WDFY1: variants seen among roughly 807,000 people sequenced by gnomAD.
WDFY1 encodes the protein WD repeat and FYVE domain containing 1, also known as WD repeat and FYVE domain-containing protein 1.
A neutral mutation model predicts 56.4 loss-of-function variants in WDFY1; 32 were observed. The observed-to-expected ratio is 0.57, with a 90% CI of 0.43 to 0.76. The LOEUF is 0.76. Among genes scored for constraint, WDFY1 ranks in the 30% least tolerant of loss-of-function variants. The probability of loss-of-function intolerance (pLI) is 0.00; values close to 1 mark genes in which losing one functional copy is unlikely to be tolerated. For synonymous variants in WDFY1, 192 were observed against 197.3 expected, an observed-to-expected ratio of 0.97 and a Z score of 0.23; for missense variants, 480 against 545.7, an observed-to-expected ratio of 0.88 and a Z score of 1.20.
Position 223,924,449 on chromosome 2 carries a change from T to C in WDFY1, c.138-6439A>G, listed in dbSNP as rs544452435. 2.6e-5 allele frequency among the ~76,000 whole-genome samples: 4 copies of C among 152,334 alleles called. No homozygotes were observed. The South Asian group carries it at 8.3e-4, about 32-fold the overall frequency. ...CACAAGTTCAGCTCACTGTAACCTCTGCCTCCTGGGTTCAAGCGATTCTCA... is the reference window on the plus strand; with the variant it reads ...CACAAGTTCAGCTCACTGTAACCTCCGCCTCCTGGGTTCAAGCGATTCTCA... On this transcript the variant is annotated intron_variant, in intron 1 of 11. Coordinates refer to ENST00000233055, the MANE Select transcript of WDFY1 (RefSeq NM_020830.5).
chr2:223,895,930 G>A (rs1297615179), intron 6 of WDFY1, among the ~76,000 whole-genome samples: 2 of 151,876 alleles, frequency 1.3e-5, no homozygotes, highest in African/African-American at 2.4e-5. Flanking sequence ...GGCCAAGGAG[G>A]GCGAATCACT....
chr2:223,933,989 AC>A (rs1694125594), intron 1 of WDFY1, among the ~76,000 whole-genome samples: 1 of 137,108 alleles, frequency 7.3e-6, no homozygotes, highest in African/African-American at 2.7e-5. Context: ...AAAGTCTCGA[AC>A]CCTATCCATG....
intron 1 of WDFY1, among the ~76,000 whole-genome samples, chr2:223,927,637 G>A (rs1694006627): frequency 6.6e-6 from 1 of 152,152 alleles, no homozygotes. Flanking sequence ...CAATAAGGCT[G>A]TTTTGCTTTC....
At chr2:223,927,927 G>GGGGGAAAGGAGGGAGGC (rs1347348685) in intron 1 of WDFY1, among the ~76,000 whole-genome samples, 5 of 152,122 alleles carry the variant, frequency 3.3e-5, no homozygotes, top group Admixed American at 1.3e-4. Context: ...TGGGGGGAAA[G>GGGGGAAAGGAGGGAGGC]GGGGAAAGGA....
intron 1 of WDFY1, among the ~76,000 whole-genome samples, chr2:223,942,762 C>G (rs1313463269): frequency 1.4e-5 from 2 of 139,292 alleles, no homozygotes; most frequent in Non-Finnish European, 3.1e-5. Context: ...GTCTCGATCT[C>G]CTGACCTCAT....
intron 1 of WDFY1, among the ~76,000 whole-genome samples, chr2:223,928,889 G>A (rs1219209310): frequency 3.3e-5 from 5 of 152,064 alleles, no homozygotes; most frequent in Admixed American, 3.3e-4. Context: ...CGTGTCTGCA[G>A]ATGTTATTGC....
At chr2:223,896,155 CAAAAAAAAAAAAA>C (rs71058956) in intron 6 of WDFY1, among the ~76,000 whole-genome samples, 9 of 39,828 alleles carry the variant, frequency 2.3e-4, no homozygotes, top group South Asian at 1.8e-3. Context: ...GACTCTGTCT[CAAAAAAAAAAAAA>C]AAAAAAAAAA....
intron 1 of WDFY1, among the ~76,000 whole-genome samples, chr2:223,922,526 C>T (rs111275603): frequency 0.012 from 1,873 of 152,344 alleles, 41 homozygotes; most frequent in African/African-American, 0.04. Flanking sequence ...AGCAGCACTT[C>T]ACACTCACAG....
intron 1 of WDFY1, among the ~76,000 whole-genome samples, chr2:223,928,006 A>G (rs1212385476): frequency 7.2e-5 from 11 of 152,172 alleles, no homozygotes; most frequent in Non-Finnish European, 1.6e-4. Context: ...CCGTTGATGG[A>G]GTATTCAGAT....
intron 1 of WDFY1, among the ~76,000 whole-genome samples, chr2:223,941,228 A>ATTAC (rs1008434549): frequency 1.1e-4 from 17 of 151,868 alleles, no homozygotes; most frequent in African/African-American, 4.1e-4. Flanking sequence ...AAGTGCTGGG[A>ATTAC]TTACAGTCGT....
chr2:223,879,568 G>A (rs752662967), intron 11 of WDFY1, among the ~76,000 whole-genome samples: 29 of 151,970 alleles, frequency 1.9e-4, no homozygotes, highest in Admixed American at 2.6e-4. Context: ...GCTGAGGTGG[G>A]AAGATTGCTT....
chr2:223,884,709 T>C lies in WDFY1; in HGVS notation c.872A>G (p.Glu291Gly). ...WLESDSCQKC[E>G]QPFFWNIKQM... ...CTTTATGTTCCAGAAAAATGGCTGC[T>C]CACATTTCTGACAAGAATCACTTTC... The change falls in exon 9 of 12, where the codon GAG becomes GGG. Residue 291 changes from glutamate to glycine, a missense_variant. Physicochemically the swap from Glu to Gly is moderately conservative, Grantham distance 98. Coordinates refer to ENST00000233055, the MANE Select transcript of WDFY1 (RefSeq NM_020830.5). 1 of 1,614,144 alleles carries C rather than the reference T, an allele frequency of 6.2e-7. No homozygotes were observed. Among genetic ancestry groups the C allele is most frequent in the African/African-American group, 1.3e-5 (1 of 75,058 alleles).
chr2:223,895,703 T>C (rs1693355572), intron 6 of WDFY1, 73 bp from the exon 7 acceptor site: 4 of 1,568,478 alleles, frequency 2.6e-6, no homozygotes, highest in South Asian at 1.1e-5. Context: ...TCAGGACGTA[T>C]ACATTTGACA....
chr2:223,926,436 G>A (rs912584099), intron 1 of WDFY1, among the ~76,000 whole-genome samples: 1 of 152,200 alleles, frequency 6.6e-6, no homozygotes, highest in Non-Finnish European at 1.5e-5. Flanking sequence ...CAGCAAAAGT[G>A]TATTTTTTAA....
chr2:223,891,382 C>A (rs866900054), intron 8 of WDFY1, among the ~76,000 whole-genome samples: 43 of 60,102 alleles, frequency 7.2e-4, no homozygotes, highest in East Asian at 1.5e-3. Context: ...GACTCCGTCT[C>A]AAAAAAAAAA....
At chr2:223,942,815 G>A (rs1473256752) in intron 1 of WDFY1, among the ~76,000 whole-genome samples, 51 of 144,200 alleles carry the variant, frequency 3.5e-4, no homozygotes, top group South Asian at 6.8e-4. Flanking sequence ...GATTACAGGC[G>A]TGAGCCACCG....
At chr2:223,934,800 C>T (rs1242555339) in intron 1 of WDFY1, among the ~76,000 whole-genome samples, 8 of 152,212 alleles carry the variant, frequency 5.3e-5, no homozygotes, top group African/African-American at 1.7e-4. Context: ...GGGTTACAGG[C>T]ATGAGCCATT....
intron 3 of WDFY1, among the ~76,000 whole-genome samples, chr2:223,911,566 CCA>C (rs58131865): frequency 0.038 from 5,181 of 135,934 alleles, 95 homozygotes; most frequent in Middle Eastern, 0.047. Context: ...AGCTGAATGA[CCA>C]CACACACACA....
intron 7 of WDFY1, among the ~76,000 whole-genome samples, chr2:223,894,711 T>A (rs1275065341): frequency 6.6e-6 from 1 of 152,160 alleles, no homozygotes; most frequent in East Asian, 1.9e-4. Context: ...CCACAATTCA[T>A]ATGAACAAGG....
Sources: allele counts gnomAD v4.1 joint callset (sites outside exome capture counted in the v4.1 genomes callset), GRCh38; gene constraint gnomAD v4.1.1; transcripts MANE v1.5; gene names NCBI Gene and HGNC (gene_info 2026-07-23, HGNC 2026-07-21).